Variants in TENM4 observed in about 807,000 individuals in gnomAD.
TENM4 encodes teneurin transmembrane protein 4, also known as teneurin-4.
Under a neutral mutation model 243.3 loss-of-function variants are expected in TENM4, and 82 were observed. The ratio of observed to expected loss-of-function variants is 0.34; its 90% CI spans 0.28 to 0.40. TENM4 has a LOEUF of 0.40. TENM4 is among the 10% of genes least tolerant of loss of function. The probability of loss-of-function intolerance (pLI) is 1.00; values close to 1 mark genes in which losing one functional copy is unlikely to be tolerated. For synonymous variants in TENM4, 1,412 were observed against 1,456.3 expected, an observed-to-expected ratio of 0.97 and a Z score of 0.69; for missense variants, 3,138 against 3,673.3, an observed-to-expected ratio of 0.85 and a Z score of 3.77.
At chr11:78,687,222 C>G (rs1858706461) in intron 29 of TENM4, among the ~76,000 whole-genome samples, 1 of 152,042 alleles carries the variant, frequency 6.6e-6, no homozygotes, top group Non-Finnish European at 1.5e-5. Context: ...ACTGCTCCAC[C>G]CCATTCCACA....
intron 4 of TENM4, among the ~76,000 whole-genome samples, chr11:79,082,032 A>T (rs1421352782): frequency 6.6e-6 from 1 of 152,114 alleles, no homozygotes; most frequent in Admixed American, 6.5e-5. Flanking sequence ...ACACACCTGG[A>T]TCATTAACTT....
At chr11:79,163,405 T>A (rs1862799956) in intron 3 of TENM4, among the ~76,000 whole-genome samples, 1 of 151,372 alleles carries the variant, frequency 6.6e-6, no homozygotes, top group South Asian at 2.1e-4. Context: ...CCTGCCGAAC[T>A]TTTTTTTTAA....
intron 6 of TENM4, among the ~76,000 whole-genome samples, chr11:78,972,136 A>G (rs1287369902): frequency 6.6e-6 from 1 of 152,218 alleles, no homozygotes; most frequent in African/African-American, 2.4e-5. Flanking sequence ...AAAACAATAA[A>G]TGTTATTTTT....
intron 12 of TENM4, among the ~76,000 whole-genome samples, chr11:78,839,140 T>C (rs1270296288): frequency 2.0e-5 from 3 of 152,230 alleles, no homozygotes; most frequent in African/African-American, 4.8e-5. Context: ...CTGTAATTTC[T>C]TCCATACTTT....
chr11:79,336,734 A>G (rs866619857), intron 1 of TENM4, among the ~76,000 whole-genome samples: 2 of 152,318 alleles, frequency 1.3e-5, no homozygotes, highest in Middle Eastern at 6.8e-3. Flanking sequence ...GATGTAACAT[A>G]TTTGAGTTTC....
At chr11:78,857,554 G>A (rs1014464983) in intron 10 of TENM4, among the ~76,000 whole-genome samples, 1 of 152,136 alleles carries the variant, frequency 6.6e-6, no homozygotes, top group Non-Finnish European at 1.5e-5. Flanking sequence ...CTCCTAGGCA[G>A]AAACATCAGG....
At chr11:79,240,912 C>A (rs1305355985) in intron 2 of TENM4, among the ~76,000 whole-genome samples, 1 of 152,152 alleles carries the variant, frequency 6.6e-6, no homozygotes, top group African/African-American at 2.4e-5. Flanking sequence ...ACCACAGCAC[C>A]TTGTATTGGT....
chr11:78,703,043 G>T (rs1397641380), intron 27 of TENM4, among the ~76,000 whole-genome samples: 1 of 152,238 alleles, frequency 6.6e-6, no homozygotes, highest in Non-Finnish European at 1.5e-5. Context: ...TTCTAGACCA[G>T]TGATTCTCAA....
chr11:79,373,259 T>G (rs1332148574), intron 1 of TENM4, among the ~76,000 whole-genome samples: 4 of 151,896 alleles, frequency 2.6e-5, no homozygotes, highest in Non-Finnish European at 4.4e-5. Flanking sequence ...GATGGATGAA[T>G]GAATAAAGGT....
chr11:79,139,081 T>C (rs1348322774), intron 4 of TENM4, among the ~76,000 whole-genome samples: 1 of 22,690 alleles, frequency 4.4e-5, no homozygotes, highest in Admixed American at 5.9e-4. Flanking sequence ...AAATATATAT[T>C]ATATTTCTAT....
rs553856893 is a variant in TENM4, at chr11:79,125,909, C to A, written c.-66+22801G>T. ...GACCCATGAGGAAGTGCGCTACACT[C>A]AAAAAGAACTGCTTGAGTTTTCTAA... On this transcript the variant is annotated intron_variant, in intron 4 of 33. Transcript: ENST00000278550. Among the ~76,000 whole-genome samples the A allele has an allele frequency of 4.6e-5, 7 of 152,202 alleles. No individual in the cohort carries two copies. The South Asian group carries it at 1.5e-3, about 32-fold the overall frequency.
At chr11:78,904,087 G>A (rs1856005930) in intron 6 of TENM4, among the ~76,000 whole-genome samples, 2 of 152,028 alleles carry the variant, frequency 1.3e-5, no homozygotes, top group Admixed American at 6.5e-5. Flanking sequence ...GTGGCCGGTC[G>A]CGGTGGCTCA....
At chr11:78,756,570 T>C (rs1250650654) in intron 19 of TENM4, 1 of 512,844 alleles carries the variant, frequency 1.9e-6, no homozygotes, top group South Asian at 2.1e-5. Flanking sequence ...TCTTCATCTG[T>C]CACCCAGTGG....
chr11:79,053,647 C>T (rs1157897551), intron 6 of TENM4, among the ~76,000 whole-genome samples: 2 of 152,196 alleles, frequency 1.3e-5, no homozygotes, highest in Non-Finnish European at 2.9e-5. Flanking sequence ...TTCCTGATTG[C>T]TGCTGCTTCC....
At chr11:78,917,879 C>T (rs1371054206) in intron 6 of TENM4, among the ~76,000 whole-genome samples, 2 of 152,138 alleles carry the variant, frequency 1.3e-5, no homozygotes, top group Non-Finnish European at 2.9e-5. Context: ...TTCTTGTGCC[C>T]ATTTTCCTGG....
intron 6 of TENM4, among the ~76,000 whole-genome samples, chr11:79,061,252 C>T (rs747523): frequency 0.085 from 12,876 of 152,188 alleles, 908 homozygotes; most frequent in African/African-American, 0.19. Flanking sequence ...TACCGCATAA[C>T]GAAGCTGTTA....
chr11:78,859,048 T>C (rs1858749894), intron 10 of TENM4, among the ~76,000 whole-genome samples: 1 of 152,122 alleles, frequency 6.6e-6, no homozygotes, highest in Non-Finnish European at 1.5e-5. Context: ...AATGATTAAT[T>C]AAAACACTAC....
intron 1 of TENM4, among the ~76,000 whole-genome samples, chr11:79,346,205 A>T (rs1857323597): frequency 6.6e-6 from 1 of 152,176 alleles, no homozygotes; most frequent in East Asian, 1.9e-4. Flanking sequence ...ATCATTAAGC[A>T]TGATGAATAC....
chr11:79,201,850 G>A (rs1863744814), intron 3 of TENM4, among the ~76,000 whole-genome samples: 1 of 152,198 alleles, frequency 6.6e-6, no homozygotes, highest in Non-Finnish European at 1.5e-5. Flanking sequence ...GCTGGGGAAT[G>A]AGTCATCAAG....
Sources: allele counts gnomAD v4.1 joint callset (sites outside exome capture counted in the v4.1 genomes callset), GRCh38; gene constraint gnomAD v4.1.1; transcripts MANE v1.5; gene names NCBI Gene and HGNC (gene_info 2026-07-23, HGNC 2026-07-21).